The following EXOC4 variants were observed in gnomAD, a reference collection of about 807,000 sequenced individuals.
The protein encoded by EXOC4 is SEC8-like 1.
A neutral mutation model predicts 107.2 loss-of-function variants in EXOC4; 71 were observed. That is an observed-to-expected ratio of 0.66 (90% CI 0.55 to 0.81). EXOC4 has a LOEUF of 0.81. Among genes scored for constraint, EXOC4 ranks in the 30% least tolerant of loss-of-function variants. The probability of loss-of-function intolerance (pLI) is 0.00; values close to 1 mark genes in which losing one functional copy is unlikely to be tolerated. For synonymous variants in EXOC4, 456 were observed against 441.2 expected (o/e 1.03, Z -0.42); for missense variants, 1,108 against 1,189.6 (o/e 0.93, Z 1.01).
At chr7:133,400,778 TACG>T (rs1348890963) in intron 7 of EXOC4, among the ~76,000 whole-genome samples, 1 of 152,214 alleles carries the variant, frequency 6.6e-6, no homozygotes, top group Non-Finnish European at 1.5e-5. Context: ...TGTTTTGTGT[TACG>T]TGGTAGGTTA....
At chr7:133,739,829 G>C (rs1285872888) in intron 10 of EXOC4, among the ~76,000 whole-genome samples, 3 of 152,128 alleles carry the variant, frequency 2.0e-5, no homozygotes, top group Non-Finnish European at 4.4e-5. Flanking sequence ...TATTTCAAAA[G>C]GGTAGTATTC....
At chr7:133,524,129 T>C (rs1242502204) in intron 9 of EXOC4, among the ~76,000 whole-genome samples, 8 of 140,648 alleles carry the variant, frequency 5.7e-5, no homozygotes, top group East Asian at 4.2e-4. Flanking sequence ...TTTTAATGAT[T>C]GCCATTCTAA....
At chr7:133,887,693 C>T (rs1048745299) in intron 11 of EXOC4, among the ~76,000 whole-genome samples, 3 of 152,156 alleles carry the variant, frequency 2.0e-5, no homozygotes, top group Admixed American at 6.6e-5. Context: ...GAACAAGGCC[C>T]TTTCTCCCAA....
chr7:133,753,465 C>G (rs1026200731), intron 10 of EXOC4, among the ~76,000 whole-genome samples: 5 of 152,120 alleles, frequency 3.3e-5, no homozygotes, highest in African/African-American at 4.8e-5. Flanking sequence ...AAACAACAAC[C>G]CAAAACTCTA....
intron 2 of EXOC4, among the ~76,000 whole-genome samples, chr7:133,277,961 G>T (rs554306470): frequency 6.6e-6 from 1 of 152,260 alleles, no homozygotes; most frequent in Admixed American, 6.5e-5. Flanking sequence ...ATTCAGTAAC[G>T]ATTGGGCTAC....
At position 133,305,999 on chromosome 7, in the gene EXOC4, G is replaced by T. The variant is rs1212903603; in HGVS notation, c.594G>T (p.Arg198=). 6.2e-7 allele frequency: 1 copy of T among 1,613,816 alleles called. No homozygotes were observed. The highest frequency in any genetic ancestry group is 1.1e-5 in the South Asian group (1 of 91,026). The change falls in exon 4 of 18, where the codon CGG becomes CGT. Residue 198 remains arginine, a synonymous_variant. Coordinates refer to ENST00000253861, the MANE Select transcript of EXOC4 (RefSeq NM_021807.4). ...TGGTTCTCATAGATGAACTACACCGGCACCTGTACATCAAATCGACTAGCC... is the reference window on the plus strand; with the variant it reads ...TGGTTCTCATAGATGAACTACACCGTCACCTGTACATCAAATCGACTAGCC... ...LHLVLIDELH[R]HLYIKSTSRV...
At chr7:133,576,983 C>T (rs958357646) in intron 9 of EXOC4, 48 of 662,786 alleles carry the variant, frequency 7.2e-5, no homozygotes, top group African/African-American at 4.9e-4. Flanking sequence ...ATAATATGCC[C>T]GGGGTTGGAT....
intron 10 of EXOC4, among the ~76,000 whole-genome samples, chr7:133,743,298 C>A (rs1449861686): frequency 1.3e-5 from 2 of 152,062 alleles, no homozygotes; most frequent in Non-Finnish European, 2.9e-5. Context: ...TGATTGAAGG[C>A]CCTGATTGAA....
At chr7:133,346,645 A>G (rs1440105315) in intron 5 of EXOC4, among the ~76,000 whole-genome samples, 1 of 152,062 alleles carries the variant, frequency 6.6e-6, no homozygotes, top group East Asian at 1.9e-4. Flanking sequence ...AACTTGTTTG[A>G]TATTCTAGTG....
intron 7 of EXOC4, among the ~76,000 whole-genome samples, chr7:133,392,052 CTG>C (rs1335872735): frequency 2.0e-5 from 3 of 152,200 alleles, no homozygotes; most frequent in African/African-American, 7.2e-5. Flanking sequence ...ATAGTATAAA[CTG>C]AATGTCAGGG....
intron 9 of EXOC4, among the ~76,000 whole-genome samples, chr7:133,621,107 C>T (rs1802318756): frequency 6.6e-6 from 1 of 152,218 alleles, no homozygotes; most frequent in Non-Finnish European, 1.5e-5. Context: ...GACTTATGCT[C>T]ATGGAAGAGC....
At chr7:133,818,406 T>G (rs1330348128) in intron 11 of EXOC4, among the ~76,000 whole-genome samples, 1 of 152,190 alleles carries the variant, frequency 6.6e-6, no homozygotes, top group African/African-American at 2.4e-5. Context: ...GTTTTACTTG[T>G]TCCAGTTGCC....
intron 17 of EXOC4, among the ~76,000 whole-genome samples, chr7:134,027,948 G>A (rs138770987): frequency 8.5e-4 from 130 of 152,296 alleles, no homozygotes; most frequent in African/African-American, 2.9e-3. Flanking sequence ...TTCTGAACTC[G>A]TTTTTCTGGG....
At chr7:133,651,355 C>CA (rs1803146526) in intron 10 of EXOC4, among the ~76,000 whole-genome samples, 1 of 123,636 alleles carries the variant, frequency 8.1e-6, no homozygotes, top group Non-Finnish European at 1.8e-5. Flanking sequence ...AAAACCAAAA[C>CA]AAAATAAGAA....
rs1012364717 is a variant in EXOC4 at position 133,864,201 on chromosome 7, A to T, written c.1735-31398A>T. 3.3e-5 allele frequency among the ~76,000 whole-genome samples: 5 copies of T among 152,290 alleles called. No homozygotes were observed. In the South Asian group the frequency reaches 1.0e-3, roughly 32 times the overall value. On this transcript the variant is annotated intron_variant, in intron 11 of 17. Coordinates refer to ENST00000253861, the MANE Select transcript of EXOC4 (RefSeq NM_021807.4). ...TAGGCCCACTTGTTTGTATGTGGAA[A>T]TTGATGTTAATGAATGTCTGGATAG...
intron 10 of EXOC4, among the ~76,000 whole-genome samples, chr7:133,697,491 G>C (rs964755944): frequency 6.6e-6 from 1 of 152,198 alleles, no homozygotes; most frequent in African/African-American, 2.4e-5. Flanking sequence ...TTGGAATCCA[G>C]AGGTGTGTAA....
intron 17 of EXOC4, among the ~76,000 whole-genome samples, chr7:134,026,952 A>G (rs770121593): frequency 2.6e-5 from 4 of 152,196 alleles, no homozygotes; most frequent in Non-Finnish European, 4.4e-5. Context: ...TGGTTGTTAC[A>G]GTATGTTGAA....
At chr7:133,672,789 C>G (rs1362805628) in intron 10 of EXOC4, among the ~76,000 whole-genome samples, 1 of 152,210 alleles carries the variant, frequency 6.6e-6, no homozygotes, top group Non-Finnish European at 1.5e-5. Flanking sequence ...TGCTGTTGAT[C>G]TGTTCATCAC....
chr7:133,783,831 A>G (rs562087510), intron 10 of EXOC4, among the ~76,000 whole-genome samples: 1 of 152,228 alleles, frequency 6.6e-6, no homozygotes, highest in Non-Finnish European at 1.5e-5. Context: ...AAACTTTGCC[A>G]GACTCTTTCA....
Sources: gnomAD v4.1 joint callset for allele counts (sites outside exome capture counted in the v4.1 genomes callset) on GRCh38, gnomAD v4.1.1 for gene constraint, MANE v1.5 for transcripts, NCBI Gene and HGNC (gene_info 2026-07-23, HGNC 2026-07-21) for gene names.